Variants in P2RX3 observed in about 807,000 individuals in gnomAD.
P2RX3 encodes the protein purinergic receptor P2X 3.
P2RX3 carries 41 observed loss-of-function variants against 51.5 expected under a neutral mutation model. The ratio of observed to expected loss-of-function variants is 0.80; its 90% CI spans 0.62 to 1.03. P2RX3 has a LOEUF of 1.03. Among genes scored for constraint, P2RX3 ranks in the 50% least tolerant of loss-of-function variants. P2RX3 has a pLI of 0.00. For synonymous variants in P2RX3, 185 were observed against 191.6 expected, an observed-to-expected ratio of 0.97 and a Z score of 0.29; for missense variants, 459 against 522.1, an observed-to-expected ratio of 0.88 and a Z score of 1.18.
At chr11:57,355,256 T>C (rs1856610112) in intron 8 of P2RX3, among the ~76,000 whole-genome samples, 1 of 152,200 alleles carries the variant, frequency 6.6e-6, no homozygotes, top group Admixed American at 6.5e-5. Context: ...ATGGGGACCA[T>C]TGTCCAAGGA....
At chr11:57,342,050 G>A (rs1856348967) in intron 1 of P2RX3, among the ~76,000 whole-genome samples, 1 of 151,400 alleles carries the variant, frequency 6.6e-6, no homozygotes, top group South Asian at 2.1e-4. Flanking sequence ...CATCCTCTCA[G>A]CCCAGGGTAT....
At chr11:57,345,327 G>C (rs577295436) in intron 1 of P2RX3, among the ~76,000 whole-genome samples, 20 of 152,294 alleles carry the variant, frequency 1.3e-4, no homozygotes, top group Admixed American at 1.0e-3. Context: ...TCCATGAGAC[G>C]TCACCAGTAT....
rs762541652 is a variant in P2RX3 at position 57,350,847 on chromosome 11, G to A, written c.791G>A (p.Arg264Gln). The A allele has an allele frequency of 1.9e-6, 3 of 1,614,102 alleles. No individual in the cohort carries two copies. Among genetic ancestry groups the A allele is most frequent in the Middle Eastern group, 3.3e-4 (2 of 6,062 alleles). Residue 264 changes from arginine to glutamine, a missense_variant, in exon 8 of 12, where the codon CGG becomes CAG. By Grantham distance (43) the Arg-to-Gln change is conservative (BLOSUM62 1). Coordinates refer to ENST00000263314, the MANE Select transcript of P2RX3 (RefSeq NM_002559.5). ...TGCATCCCCAAATACTCCTTCACCC[G>A]GCTCGACAGCGTTTCTGAGAAAAGC... ...DQCIPKYSFT[R>Q]LDSVSEKSSV...
At chr11:57,356,290 G>T (rs1334439863) in intron 8 of P2RX3, among the ~76,000 whole-genome samples, 1 of 151,752 alleles carries the variant, frequency 6.6e-6, no homozygotes, top group Non-Finnish European at 1.5e-5. Context: ...GCAAAAAAGG[G>T]GAAAAAAAAA....
chr11:57,354,719 G>C (rs951457713), intron 8 of P2RX3, among the ~76,000 whole-genome samples: 2 of 152,038 alleles, frequency 1.3e-5, no homozygotes, highest in South Asian at 2.1e-4. Flanking sequence ...GTGAGGCTGA[G>C]AGTGAGTGTG....
intron 1 of P2RX3, among the ~76,000 whole-genome samples, chr11:57,339,501 G>A (rs988603140): frequency 1.4e-4 from 21 of 149,152 alleles, no homozygotes; most frequent in Non-Finnish European, 2.2e-4. Flanking sequence ...AGCCCCCACC[G>A]CCTGCAAGCA....
At chr11:57,366,063 G>C (rs1252249336) in intron 8 of P2RX3, among the ~76,000 whole-genome samples, 1 of 152,160 alleles carries the variant, frequency 6.6e-6, no homozygotes, top group Non-Finnish European at 1.5e-5. Flanking sequence ...AGTTTTCTGG[G>C]CCCTTTCACT....
chr11:57,347,130 T>C lies in P2RX3; in HGVS notation c.270T>C (p.Phe90=), dbSNP rs752346880. 4.3e-6 allele frequency: 7 copies of C among 1,613,792 alleles called. No individual in the cohort carries two copies. In the South Asian group the frequency reaches 7.7e-5, roughly 18 times the overall value. The part of the protein sequence containing the change: ...YVTPPQGTSV[F]VIITKMIVTE... ...CTCCTCCCAAGGGCACCTCGGTCTT[T>C]GTCATCATCACCAAGATGATTGTTA... Residue 90 remains phenylalanine, a synonymous_variant, in exon 3 of 12, where the codon TTT becomes TTC. Coordinates refer to ENST00000263314, the MANE Select transcript of P2RX3 (RefSeq NM_002559.5).
At chr11:57,346,497 G>A (rs1007107472) in intron 1 of P2RX3, 47 bp from the exon 2 acceptor site, 1 of 1,604,552 alleles carries the variant, frequency 6.2e-7, no homozygotes, top group African/African-American at 1.3e-5. Flanking sequence ...TGTCTGCTGG[G>A]TCTATGGACT....
intron 1 of P2RX3, among the ~76,000 whole-genome samples, chr11:57,342,557 A>G (rs1856361417): frequency 6.6e-6 from 1 of 152,056 alleles, no homozygotes; most frequent in South Asian, 2.1e-4. Flanking sequence ...GCACTTGGTT[A>G]GAAGCCTGGC....
At chr11:57,346,247 A>C (rs1227850411) in intron 1 of P2RX3, among the ~76,000 whole-genome samples, 1 of 152,200 alleles carries the variant, frequency 6.6e-6, no homozygotes, top group African/African-American at 2.4e-5. Context: ...ATAAAGCACA[A>C]ATTTGCATAC....
chr11:57,369,501 G>A lies in P2RX3; in HGVS notation c.1080+63G>A. The A allele has an allele frequency of 2.7e-6, 4 of 1,483,190 alleles. No individual in the cohort carries two copies. In the East Asian group the frequency reaches 9.3e-5, roughly 34 times the overall value. 91.9% of individuals were successfully genotyped at this position (1,483,190 alleles called of 1,614,324 possible). A position where few individuals can be genotyped will look rare whatever the true frequency, so the allele number is the denominator to read the frequency against. On this transcript the variant is annotated intron_variant, in intron 11 of 11. Transcript: ENST00000263314. ...AGGGGGCAGGGCAGGCAGGGGCAGG[G>A]ACTCTCAGTGGCTCCCCTTCTGAGG...
intron 8 of P2RX3, among the ~76,000 whole-genome samples, chr11:57,354,290 C>T (rs75543352): frequency 0.019 from 2,834 of 152,216 alleles, 38 homozygotes; most frequent in Middle Eastern, 0.034. Flanking sequence ...TTAGTGGAGA[C>T]ATTTTATTTT....
chr11:57,355,752 G>C (rs1206985029), intron 8 of P2RX3, among the ~76,000 whole-genome samples: 1 of 152,180 alleles, frequency 6.6e-6, no homozygotes, highest in Non-Finnish European at 1.5e-5. Flanking sequence ...ATTCCCCCAG[G>C]CCTGCACCCT....
At chr11:57,357,944 C>T (rs1481835297) in intron 8 of P2RX3, among the ~76,000 whole-genome samples, 1 of 152,218 alleles carries the variant, frequency 6.6e-6, no homozygotes, top group Non-Finnish European at 1.5e-5. Context: ...CCAAGTTTTC[C>T]CTTGCAAGTC....
intron 8 of P2RX3, among the ~76,000 whole-genome samples, chr11:57,362,361 A>C (rs1192155555): frequency 6.6e-6 from 1 of 152,116 alleles, no homozygotes; most frequent in Non-Finnish European, 1.5e-5. Context: ...CCCCAATCCT[A>C]ACCAAAAAAA....
intron 4 of P2RX3, 36 bp from the exon 5 acceptor site, chr11:57,348,134 C>A: frequency 6.6e-7 from 1 of 1,525,546 alleles, no homozygotes; most frequent in Middle Eastern, 1.7e-4. Context: ...GAGCAAAGGG[C>A]AGGCAGCCAC....
intron 1 of P2RX3, chr11:57,340,565 A>G (rs927435287): frequency 1.8e-4 from 28 of 152,282 alleles, no homozygotes; most frequent in African/African-American, 5.8e-4. Flanking sequence ...GCAAAAATGT[A>G]CCAGCATCTC....
chr11:57,368,305 G>A, intron 9 of P2RX3, 67 bp from the exon 10 acceptor site: 1 of 1,557,992 alleles, frequency 6.4e-7, no homozygotes, highest in Non-Finnish European at 8.8e-7. Context: ...GGCGCCACGT[G>A]CAGCCTCGGG....
Sources: gnomAD v4.1 joint callset for allele counts (sites outside exome capture counted in the v4.1 genomes callset) on GRCh38, gnomAD v4.1.1 for gene constraint, MANE v1.5 for transcripts, NCBI Gene and HGNC (gene_info 2026-07-23, HGNC 2026-07-21) for gene names.